The following NMT2 variants were observed in gnomAD, a reference collection of about 807,000 sequenced individuals.
The protein encoded by NMT2 is glycylpeptide N-tetradecanoyltransferase 2.
NMT2 carries 35 observed loss-of-function variants against 65.4 expected under a neutral mutation model. The observed-to-expected ratio is 0.54, with a 90% CI of 0.41 to 0.71. The LOEUF (loss-of-function observed/expected upper bound fraction) is 0.71. Ranked by LOEUF, NMT2 falls within the 30% of genes least tolerant of loss-of-function variation. The pLI, the probability that NMT2 is intolerant of heterozygous loss-of-function variation, is 0.00. For synonymous variants in NMT2, 226 were observed against 231.8 expected (o/e 0.98, Z 0.23); for missense variants, 489 against 611.3 (o/e 0.80, Z 2.11).
Position 15,119,976 on chromosome 10 carries a change from T to C in NMT2, c.1000-463A>G, listed in dbSNP as rs1845870875. Among the ~76,000 whole-genome samples, 6 of 152,318 alleles carry C rather than the reference T, an allele frequency of 3.9e-5. No homozygotes were observed. The South Asian group carries it at 1.2e-3, about 32-fold the overall frequency. On this transcript the variant is annotated intron_variant, in intron 8 of 11. Transcript: ENST00000378165. The stretch of plus-strand genomic sequence containing the variant: ...ACAGGCAGCCCTCCGTATCCACTGG[T>C]TGTGCATCTGTGGGTTCGACCAACC...
chr10:15,123,728 T>A (rs993133727), intron 8 of NMT2, among the ~76,000 whole-genome samples: 19 of 152,080 alleles, frequency 1.2e-4, no homozygotes, highest in African/African-American at 4.6e-4. Context: ...TTCCAGTAAA[T>A]AAGAAAAATC....
chr10:15,116,939 A>T (rs1269112063), intron 9 of NMT2, among the ~76,000 whole-genome samples: 1 of 152,242 alleles, frequency 6.6e-6, no homozygotes. Flanking sequence ...CCAAAAAAGA[A>T]ACAGCTAAGC....
intron 2 of NMT2, among the ~76,000 whole-genome samples, chr10:15,138,670 C>G (rs1245071519): frequency 2.6e-5 from 4 of 152,036 alleles, no homozygotes; most frequent in Non-Finnish European, 5.9e-5. Flanking sequence ...TATAAGAATC[C>G]AAATATCATT....
intron 2 of NMT2, among the ~76,000 whole-genome samples, chr10:15,140,506 TTTTC>T (rs1387124944): frequency 1.3e-5 from 2 of 152,050 alleles, no homozygotes; most frequent in East Asian, 1.9e-4. Context: ...CTTTTCTTTC[TTTTC>T]TTTCTTTTTC....
intron 1 of NMT2, among the ~76,000 whole-genome samples, chr10:15,145,738 A>G (rs1234206583): frequency 6.6e-6 from 1 of 152,176 alleles, no homozygotes; most frequent in Non-Finnish European, 1.5e-5. Context: ...CAAATGAAAC[A>G]GAAGTGTTGA....
intron 1 of NMT2, among the ~76,000 whole-genome samples, chr10:15,159,719 C>T (rs970538009): frequency 3.9e-5 from 6 of 152,160 alleles, no homozygotes; most frequent in Admixed American, 6.5e-5. Flanking sequence ...TGAGCCACTG[C>T]GCCCAGCAAA....
chr10:15,162,351 ATTTTTGAG>A, intron 1 of NMT2, among the ~76,000 whole-genome samples: 1 of 152,274 alleles, frequency 6.6e-6, no homozygotes, highest in South Asian at 2.1e-4. Flanking sequence ...AAATACAGAA[ATTTTTGAG>A]TACCAAGAAA....
In NMT2 at chr10:15,106,034, GC is replaced by G; in HGVS notation, c.*3160del. On this transcript the variant is annotated 3_prime_UTR_variant, in exon 12 of 12. Coordinates refer to ENST00000378165, the MANE Select transcript of NMT2 (RefSeq NM_004808.3). ...TTTCGAGATAGAGTCTCACTCTGTT[GC>G]CCAGGCTGGAGTGCAGTGGTGTGAT... 2.5e-6 allele frequency: 1 copy of G among 407,152 alleles called. No individual in the cohort carries two copies. The highest frequency in any genetic ancestry group is 1.7e-5 in the South Asian group (1 of 58,182). 25.2% of individuals were successfully genotyped at this position (407,152 alleles called of 1,614,324 possible). A position where few individuals can be genotyped will look rare whatever the true frequency, so the allele number is the denominator to read the frequency against.
chr10:15,124,560 C>T (rs1203308729), intron 8 of NMT2, among the ~76,000 whole-genome samples: 1 of 152,174 alleles, frequency 6.6e-6, no homozygotes, highest in Non-Finnish European at 1.5e-5. Context: ...CTCCTACAAG[C>T]AAAAAGAGTA....
chr10:15,119,031 G>A (rs938073798), intron 9 of NMT2, among the ~76,000 whole-genome samples: 2 of 152,144 alleles, frequency 1.3e-5, no homozygotes, highest in Non-Finnish European at 2.9e-5. Flanking sequence ...CAGCATCAAC[G>A]GTGCAAAGCA....
At chr10:15,163,287 C>A (rs965798488) in intron 1 of NMT2, among the ~76,000 whole-genome samples, 1 of 152,184 alleles carries the variant, frequency 6.6e-6, no homozygotes, top group African/African-American at 2.4e-5. Flanking sequence ...CAATCAATTT[C>A]TTGAACTTGG....
Position 15,141,508 on chromosome 10 carries a change from T to C in NMT2, c.160A>G (p.Arg54Gly). 6.2e-7 allele frequency: 1 copy of C among 1,614,214 alleles called. No homozygotes were observed. Among genetic ancestry groups the C allele is most frequent in the Non-Finnish European group, 8.5e-7 (1 of 1,180,028 alleles). ...CCGGAATTTGGTTTCTCCTTTTTTCTCTTCTGTTTCTTCTTTTTCTTTTTG... is the reference window on the plus strand; with the variant it reads ...CCGGAATTTGGTTTCTCCTTTTTTCCCTTCTGTTTCTTCTTTTTCTTTTTG... ...GAKKKKKKQK[R>G]KKEKPNSGGT... The change falls in exon 2 of 12, where the codon AGA (arginine) becomes GGA (glycine). Residue 54 changes from arginine to glycine, a missense_variant. Transcript: ENST00000378165.
intron 1 of NMT2, among the ~76,000 whole-genome samples, chr10:15,163,784 G>A (rs983686075): frequency 2.6e-5 from 4 of 152,174 alleles, no homozygotes; most frequent in Non-Finnish European, 4.4e-5. Flanking sequence ...CCCCTAAATT[G>A]GGGATGGTAG....
At chr10:15,110,380 C>T (rs923905631) in intron 10 of NMT2, among the ~76,000 whole-genome samples, 10 of 152,016 alleles carry the variant, frequency 6.6e-5, no homozygotes, top group African/African-American at 2.4e-4. Flanking sequence ...TTTGGGAGGC[C>T]AAGGTGGGAG....
chr10:15,126,253 A>AC (rs1589308397), intron 8 of NMT2, among the ~76,000 whole-genome samples: 1 of 150,706 alleles, frequency 6.6e-6, no homozygotes, highest in East Asian at 2.0e-4. Context: ...ATATGGTGAA[A>AC]CCCCATCTCT....
intron 1 of NMT2, among the ~76,000 whole-genome samples, chr10:15,155,922 C>T (rs867670190): frequency 6.2e-5 from 9 of 145,238 alleles, no homozygotes; most frequent in African/African-American, 1.7e-4. Context: ...CAGGCGGGGA[C>T]GCTGGCAAAG....
Position 15,107,337 on chromosome 10 carries a change from A to G in NMT2, c.*1858T>C, listed in dbSNP as rs1845339631. The G allele has an allele frequency of 1.0e-6, 1 of 985,338 alleles. No homozygotes were observed. Among genetic ancestry groups the G allele is most frequent in the Non-Finnish European group, 1.2e-6 (1 of 829,822 alleles). 61.0% of individuals were successfully genotyped at this position (985,338 alleles called of 1,614,324 possible). ...CATAGTTTGGTGGCCCCTGCCTGGGATAAGATATGATTGGTTTCACTGGAC... is the reference window on the plus strand; with the variant it reads ...CATAGTTTGGTGGCCCCTGCCTGGGGTAAGATATGATTGGTTTCACTGGAC... On this transcript the variant is annotated 3_prime_UTR_variant, in exon 12 of 12. Coordinates refer to ENST00000378165, the MANE Select transcript of NMT2 (RefSeq NM_004808.3).
chr10:15,162,805 ATAT>A, intron 1 of NMT2, among the ~76,000 whole-genome samples: 1 of 147,636 alleles, frequency 6.8e-6, no homozygotes, highest in Non-Finnish European at 1.5e-5. Context: ...TATGTATTTG[ATAT>A]TATATATCTG....
chr10:15,136,512 A>T (rs1450284866), intron 2 of NMT2, among the ~76,000 whole-genome samples: 1 of 151,528 alleles, frequency 6.6e-6, no homozygotes, highest in Non-Finnish European at 1.5e-5. Context: ...GGAAGGAAGG[A>T]AGGGAAATCT....
Sources: gnomAD v4.1 joint callset for allele counts (sites outside exome capture counted in the v4.1 genomes callset) on GRCh38, gnomAD v4.1.1 for gene constraint, MANE v1.5 for transcripts, NCBI Gene and HGNC (gene_info 2026-07-23, HGNC 2026-07-21) for gene names.